TXNDC11: variants seen among roughly 807,000 people sequenced by gnomAD.
TXNDC11 encodes the protein thioredoxin domain containing 11.
In TXNDC11, 68 loss-of-function variants were observed where a neutral mutation model predicts 78.0. That is an observed-to-expected ratio of 0.87 (90% CI 0.72 to 1.07). The LOEUF is 1.07. TXNDC11 is among the 50% of genes least tolerant of loss of function. TXNDC11 has a pLI of 0.00. For synonymous variants in TXNDC11, 571 were observed against 495.2 expected (o/e 1.15, Z -2.03); for missense variants, 1,389 against 1,221.8 (o/e 1.14, Z -2.04).
intron 10 of TXNDC11, 90 bp downstream of exon 10, chr16:11,687,767 G>A (rs1394736441): frequency 2.3e-6 from 2 of 864,144 alleles, no homozygotes; most frequent in Non-Finnish European, 3.8e-6. Flanking sequence ...AATGGAAAAT[G>A]GGCAGACCCT....
In TXNDC11 at chr16:11,736,121, G is replaced by A. The variant is rs867372319; in HGVS notation, c.367C>T (p.Arg123Trp). ...GQLDYAEYVR[R>W]DSEVVLLFFY... ...AAGAGCAGTACCACCTCTGAATCCC[G>A]TCGAACGTACTCTGCATAATCCAGC... Residue 123 changes from arginine to tryptophan, a missense_variant, in exon 2 of 12, where the codon CGG (arginine) becomes TGG (tryptophan). Arg to Trp is a moderately radical substitution (Grantham distance 101, BLOSUM62 -3). Transcript: ENST00000283033. 1.5e-5 allele frequency: 24 copies of A among 1,614,024 alleles called. No individual in the cohort carries two copies. The highest frequency in any genetic ancestry group is 8.3e-5 in the Admixed American group (5 of 59,992).
rs562535903 is a variant in TXNDC11 at position 11,722,591 on chromosome 16, G to A, written c.700-921C>T. On this transcript the variant is annotated intron_variant, in intron 4 of 11. Transcript: ENST00000283033. ...CTAGTGGCTGAATGAACAGCCTCGG[G>A]AGAACCCTTCAATATGAAACCTCAG... is the stretch of plus-strand genomic sequence containing the variant. Among the ~76,000 whole-genome samples, 3 of 152,300 alleles carry A rather than the reference G, an allele frequency of 2.0e-5. No individual in the cohort carries two copies. In the South Asian group the frequency reaches 6.2e-4, roughly 32 times the overall value.
In TXNDC11 at chr16:11,719,358, C is replaced by T. The variant is rs138962333; in HGVS notation, c.793+2219G>A. ...TATTTTGTTTCCAAAGTTCAAACTT[C>T]CATTTGCTAAGTCTGCTTAGTCACT... On this transcript the variant is annotated intron_variant, in intron 5 of 11. Coordinates refer to ENST00000283033, the MANE Select transcript of TXNDC11 (RefSeq NM_015914.7). 9.5e-3 allele frequency among the ~76,000 whole-genome samples: 1,440 copies of T among 152,322 alleles called. 5 individuals are homozygous for T. Among genetic ancestry groups the T allele is most frequent in the Middle Eastern group, 0.034 (10 of 294 alleles).
Position 11,742,488 on chromosome 16 carries a change from C to A in TXNDC11, c.243G>T (p.Lys81Asn). 1 of 1,448,626 alleles carries A rather than the reference C, an allele frequency of 6.9e-7. No homozygotes were observed. The highest frequency in any genetic ancestry group is 1.4e-5 in the South Asian group (1 of 73,754). The allele number at this position is 1,448,626 out of a possible 1,614,324, so 89.7% of individuals were successfully genotyped here. A position where few individuals can be genotyped will look rare whatever the true frequency, so the allele number is the denominator to read the frequency against. The change falls in exon 1 of 12, where the codon AAG becomes AAT. Residue 81 changes from lysine (K) to asparagine (N), a missense_variant. Physicochemically the swap from Lys to Asn is moderately conservative, Grantham distance 94. Coordinates refer to ENST00000283033, the MANE Select transcript of TXNDC11 (RefSeq NM_015914.7). ...CCGGGCCGCCTCACCTGCAGGTGAA[C>A]TTGAGGGCGAGGAGCAGCGCGCAGC... Reference protein sequence around the residue: ...ALGCALLLALKFTCSRAKDVI... With the variant: ...ALGCALLLALNFTCSRAKDVI...
intron 1 of TXNDC11, among the ~76,000 whole-genome samples, chr16:11,739,485 T>G (rs1401210473): frequency 6.6e-6 from 1 of 152,018 alleles, no homozygotes; most frequent in Non-Finnish European, 1.5e-5. Context: ...ATGCCATAAT[T>G]GCACCTGTGA....
At chr16:11,727,107 C>T (rs902250212) in intron 4 of TXNDC11, among the ~76,000 whole-genome samples, 2 of 152,190 alleles carry the variant, frequency 1.3e-5, no homozygotes, top group African/African-American at 2.4e-5. Flanking sequence ...ATCATCACTT[C>T]CCAAGTAATG....
intron 5 of TXNDC11, 35 bp downstream of exon 5, chr16:11,721,542 G>A (rs1478871952): frequency 5.9e-6 from 7 of 1,180,728 alleles, no homozygotes; most frequent in Non-Finnish European, 8.8e-6. Context: ...CAATTCTACT[G>A]AAGTAACAAT....
intron 10 of TXNDC11, among the ~76,000 whole-genome samples, chr16:11,686,951 C>G (rs1317357656): frequency 6.6e-6 from 1 of 152,212 alleles, no homozygotes; most frequent in African/African-American, 2.4e-5. Flanking sequence ...AGTGCCTTCA[C>G]TAAGCGTCGC....
chr16:11,730,687 G>T lies in TXNDC11; in HGVS notation c.657C>A (p.Ile219=). The T allele has an allele frequency of 6.2e-7, 1 of 1,613,642 alleles. No homozygotes were observed. Among genetic ancestry groups the T allele is most frequent in the South Asian group, 1.1e-5 (1 of 91,052 alleles). ...VRRVMKPLLY[I]PSQSELLDFL... Reference sequence around the variant, plus strand: ...AATCTAGTAATTCTGATTGAGATGGGATGTAGAGAAGTGGTTTCATCACCC... The same window carrying T: ...AATCTAGTAATTCTGATTGAGATGGTATGTAGAGAAGTGGTTTCATCACCC... Residue 219 remains isoleucine (I), a synonymous_variant, in exon 4 of 12, where the codon ATC becomes ATA. Coordinates refer to ENST00000283033, the MANE Select transcript of TXNDC11 (RefSeq NM_015914.7).
intron 7 of TXNDC11, among the ~76,000 whole-genome samples, chr16:11,692,805 A>C (rs1274601379): frequency 6.6e-6 from 1 of 152,126 alleles, no homozygotes; most frequent in African/African-American, 2.4e-5. Flanking sequence ...TAAAACCTCC[A>C]CACAATCTGG....
chr16:11,718,618 T>G (rs1162242464), intron 5 of TXNDC11, among the ~76,000 whole-genome samples: 1 of 152,152 alleles, frequency 6.6e-6, no homozygotes, highest in Non-Finnish European at 1.5e-5. Flanking sequence ...AAGGCAAGAT[T>G]TACTTTAGGG....
intron 7 of TXNDC11, among the ~76,000 whole-genome samples, chr16:11,695,612 T>C (rs1363568258): frequency 6.6e-6 from 1 of 152,128 alleles, no homozygotes; most frequent in Non-Finnish European, 1.5e-5. Flanking sequence ...TAGACCCTAC[T>C]TTCCACCCTC....
intron 4 of TXNDC11, among the ~76,000 whole-genome samples, chr16:11,727,174 AG>A (rs1012087116): frequency 3.3e-5 from 5 of 152,182 alleles, no homozygotes; most frequent in Non-Finnish European, 7.3e-5. Flanking sequence ...TCTAGATTAG[AG>A]ACAAATTTAT....
Position 11,736,190 on chromosome 16 carries a change from A to G in TXNDC11, c.298T>C (p.Phe100Leu). The G allele has an allele frequency of 6.2e-7, 1 of 1,613,950 alleles. No homozygotes were observed. Among genetic ancestry groups the G allele is most frequent in the Non-Finnish European group, 8.5e-7 (1 of 1,179,880 alleles). ...VIIPAKPPVSFFSLRSPVLDL... is the reference protein window; with the variant it reads ...VIIPAKPPVSLFSLRSPVLDL... ...AGGACTGGAGACCTCAAGGAGAAAAAGCTGACAGGTGGCTTTGCTGGTATT... is the reference window on the plus strand; with the variant it reads ...AGGACTGGAGACCTCAAGGAGAAAAGGCTGACAGGTGGCTTTGCTGGTATT... The change falls in exon 2 of 12, where the codon TTT becomes CTT. Residue 100 changes from phenylalanine (F) to leucine (L), a missense_variant. By Grantham distance (22) the Phe-to-Leu change is conservative. Transcript: ENST00000283033.
intron 8 of TXNDC11, among the ~76,000 whole-genome samples, chr16:11,689,169 G>C (rs1243356241): frequency 1.3e-5 from 2 of 150,568 alleles, no homozygotes; most frequent in African/African-American, 2.5e-5. Context: ...GCTCACTGTA[G>C]CCTTAAACTC....
At chr16:11,687,276 G>A (rs2050590578) in intron 10 of TXNDC11, among the ~76,000 whole-genome samples, 1 of 152,004 alleles carries the variant, frequency 6.6e-6, no homozygotes, top group African/African-American at 2.4e-5. Flanking sequence ...TAGGGTTTTG[G>A]GGGAGGTGGG....
chr16:11,680,680 C>T (rs899353438), intron 11 of TXNDC11, among the ~76,000 whole-genome samples: 11 of 152,174 alleles, frequency 7.2e-5, no homozygotes, highest in Non-Finnish European at 1.0e-4. Flanking sequence ...TGAGGTGGGC[C>T]GGCAGCCGAG....
At chr16:11,736,405 T>C (rs953692146) in intron 1 of TXNDC11, among the ~76,000 whole-genome samples, 172 bp from the exon 2 acceptor site, 3 of 152,238 alleles carry the variant, frequency 2.0e-5, no homozygotes, top group African/African-American at 4.8e-5. Flanking sequence ...AAGACATGAA[T>C]AATACGTTGG....
At position 11,736,220 on chromosome 16, in the gene TXNDC11, C is replaced by T. The variant is rs1225684149; in HGVS notation, c.268G>A (p.Val90Met). Residue 90 changes from valine to methionine, a missense_variant, in exon 2 of 12, where the codon GTG becomes ATG. Physicochemically the swap from Val to Met is conservative, Grantham distance 21. Coordinates refer to ENST00000283033, the MANE Select transcript of TXNDC11 (RefSeq NM_015914.7). ...ACAGGTGGCTTTGCTGGTATTATCA[C>T]ATCTTTTGCTCGACTAAAAAAGAGC... ...LKFTCSRAKDVIIPAKPPVSF... is the reference protein window; with the variant it reads ...LKFTCSRAKDMIIPAKPPVSF... 5.6e-6 allele frequency: 9 copies of T among 1,610,020 alleles called. No individual in the cohort carries two copies. In the South Asian group the frequency reaches 8.8e-5, roughly 16 times the overall value.
Sources: allele counts gnomAD v4.1 joint callset (sites outside exome capture counted in the v4.1 genomes callset), GRCh38; gene constraint gnomAD v4.1.1; transcripts MANE v1.5; gene names NCBI Gene and HGNC (gene_info 2026-07-23, HGNC 2026-07-21).